Variants in CASP2 observed in about 807,000 individuals in gnomAD.
CASP2 encodes caspase 2.
A neutral mutation model predicts 54.4 loss-of-function variants in CASP2; 38 were observed. The observed-to-expected ratio is 0.70, with a 90% CI of 0.54 to 0.92. The LOEUF (loss-of-function observed/expected upper bound fraction) is 0.92. CASP2 is among the 40% of genes least tolerant of loss of function. The pLI is 0.00. For synonymous variants in CASP2, 215 were observed against 216.3 expected, an observed-to-expected ratio of 0.99 and a Z score of 0.05; for missense variants, 512 against 579.6, an observed-to-expected ratio of 0.88 and a Z score of 1.20.
intron 4 of CASP2, among the ~76,000 whole-genome samples, chr7:143,293,803 T>C (rs547963307): frequency 2.6e-5 from 4 of 152,326 alleles, no homozygotes; most frequent in South Asian, 2.1e-4. Context: ...CAAGGTGTTA[T>C]TAATAGTTGG....
At chr7:143,304,608 G>T in intron 9 of CASP2, 66 bp from the exon 10 acceptor site, 1 of 1,177,372 alleles carries the variant, frequency 8.5e-7, no homozygotes, top group Non-Finnish European at 1.3e-6. Flanking sequence ...TCATGGCCGA[G>T]TCTAGTTTGG....
At position 143,307,215 on chromosome 7, in the gene CASP2, A is replaced by G. The variant is rs576459894; in HGVS notation, c.*2144A>G. On this transcript the variant is annotated 3_prime_UTR_variant, in exon 11 of 11. Transcript: ENST00000310447. ...CTTGTTCATTTCTGTCTCCCCTACC[A>G]GGCTGTAAATGAGGGCAGAAACCTT... 6 of 152,290 alleles carry G rather than the reference A, an allele frequency of 3.9e-5. No individual in the cohort carries two copies. In the East Asian group the frequency reaches 7.7e-4, roughly 20 times the overall value. The allele number at this position is 152,290 out of a possible 1,614,324, so 9.4% of individuals were successfully genotyped here.
At chr7:143,296,781 A>T (rs1005836407) in intron 6 of CASP2, among the ~76,000 whole-genome samples, 15 of 147,904 alleles carry the variant, frequency 1.0e-4, no homozygotes, top group African/African-American at 4.0e-4. Flanking sequence ...AATCTTTCTT[A>T]CTTAAGAGAG....
At chr7:143,300,778 C>G in intron 8 of CASP2, 1 of 1,185,174 alleles carries the variant, frequency 8.4e-7, no homozygotes, top group Non-Finnish European at 1.1e-6. Context: ...TCTTACCATT[C>G]TTGGGTCATG....
intron 1 of CASP2, chr7:143,289,755 T>C (rs1421607191): frequency 2.6e-5 from 7 of 273,628 alleles, no homozygotes; most frequent in Admixed American, 6.5e-5. Flanking sequence ...TTTGTATAGC[T>C]CTTTTTCTTG....
intron 4 of CASP2, 66 bp from the exon 5 acceptor site, chr7:143,294,164 C>A: frequency 4.4e-6 from 4 of 900,222 alleles, no homozygotes; most frequent in South Asian, 2.6e-5. Flanking sequence ...TCTGAAGTTA[C>A]AATGACATAT....
Position 143,304,301 on chromosome 7 carries a change from A to G in CASP2, c.1117+368A>G, listed in dbSNP as rs1394555408. ...GAGCATCTGTCAGCACCATTTTTCT[A>G]TTGGCATGCCTCTGTTAGCATTTTT... On this transcript the variant is annotated intron_variant, in intron 9 of 10. Transcript: ENST00000310447. Among the ~76,000 whole-genome samples, 5 of 152,096 alleles carry G rather than the reference A, an allele frequency of 3.3e-5. No individual in the cohort carries two copies. In the East Asian group the frequency reaches 9.6e-4, roughly 29 times the overall value.
chr7:143,289,639 A>T, intron 1 of CASP2: 1 of 982,322 alleles, frequency 1.0e-6, no homozygotes, highest in Non-Finnish European at 1.2e-6. Flanking sequence ...CTAATGGAAG[A>T]AATCTGCTGC....
At chr7:143,304,848 A>G in intron 10 of CASP2, 65 bp downstream of exon 10, 1 of 1,607,184 alleles carries the variant, frequency 6.2e-7, no homozygotes, top group Non-Finnish European at 8.5e-7. Context: ...CCTCTCTTGA[A>G]TGCTCTTTCA....
At position 143,305,520 on chromosome 7, in the gene CASP2, G is replaced by A. The variant is rs934108422; in HGVS notation, c.*449G>A. On this transcript the variant is annotated 3_prime_UTR_variant, in exon 11 of 11. Coordinates refer to ENST00000310447, the MANE Select transcript of CASP2 (RefSeq NM_032982.4). ...TATCCTCCGCCCTTTTTGTCCTAGAGTGAGAGTTTGGAAGGTGTCCAAATT... is the reference window on the plus strand; with the variant it reads ...TATCCTCCGCCCTTTTTGTCCTAGAATGAGAGTTTGGAAGGTGTCCAAATT... 11 of 293,632 alleles carry A rather than the reference G, an allele frequency of 3.7e-5. No homozygotes were observed. The highest frequency in any genetic ancestry group is 2.2e-4 in the African/African-American group (10 of 46,012). 18.2% of individuals were successfully genotyped at this position (293,632 alleles called of 1,614,324 possible).
In CASP2 at chr7:143,305,244, C is replaced by T. The variant is rs1802033424; in HGVS notation, c.*173C>T. On this transcript the variant is annotated 3_prime_UTR_variant, in exon 11 of 11. Transcript: ENST00000310447. Reference sequence around the variant, plus strand: ...CTGCCTTTGAGTGTGGGACTCCAGGCCAGCTCCTTTTCTGTGAAGCCCTTT... The same window carrying T: ...CTGCCTTTGAGTGTGGGACTCCAGGTCAGCTCCTTTTCTGTGAAGCCCTTT... 1 of 812,914 alleles carries T rather than the reference C, an allele frequency of 1.2e-6. No homozygotes were observed. The highest frequency in any genetic ancestry group is 2.0e-6 in the Non-Finnish European group (1 of 493,864). The allele number at this position is 812,914 out of a possible 1,614,324, so 50.4% of individuals were successfully genotyped here. A position where few individuals can be genotyped will look rare whatever the true frequency, so the allele number is the denominator to read the frequency against.
intron 2 of CASP2, among the ~76,000 whole-genome samples, chr7:143,291,946 T>C (rs775817080): frequency 8.8e-4 from 134 of 151,948 alleles, no homozygotes; most frequent in Non-Finnish European, 1.8e-3. Context: ...GCCTGGCTAA[T>C]TTTTTGGATT....
intron 6 of CASP2, among the ~76,000 whole-genome samples, chr7:143,299,149 C>A (rs1000020690): frequency 6.6e-6 from 1 of 151,920 alleles, no homozygotes; most frequent in African/African-American, 2.4e-5. Context: ...AAGATGGAGT[C>A]TTGCTAGGTT....
At chr7:143,300,117 T>C in intron 7 of CASP2, 66 bp downstream of exon 7, 1 of 1,613,040 alleles carries the variant, frequency 6.2e-7, no homozygotes, top group Non-Finnish European at 8.5e-7. Context: ...CTGCTGTCTG[T>C]CAAGTGATGG....
intron 6 of CASP2, chr7:143,298,813 A>T (rs2116790645): frequency 6.9e-6 from 1 of 145,448 alleles, no homozygotes; most frequent in African/African-American, 2.5e-5. Flanking sequence ...GATCCTGTCT[A>T]AAAAAAAAAA....
chr7:143,295,235 C>A (rs1345482723), intron 6 of CASP2, among the ~76,000 whole-genome samples: 1 of 152,150 alleles, frequency 6.6e-6, no homozygotes, highest in Non-Finnish European at 1.5e-5. Flanking sequence ...GCCATGTTGG[C>A]CAGGCTGGTC....
chr7:143,304,864 C>A, intron 10 of CASP2, 76 bp from the exon 11 acceptor site: 1 of 1,608,086 alleles, frequency 6.2e-7, no homozygotes, highest in Non-Finnish European at 8.5e-7. Context: ...TTTCATAGTC[C>A]GTCTCCCCTT....
chr7:143,301,959 A>G, intron 8 of CASP2: 1 of 152,236 alleles, frequency 6.6e-6, no homozygotes, highest in Admixed American at 6.5e-5. Flanking sequence ...GGCTGCACTA[A>G]GGAAAGAGGT....
chr7:143,300,916 A>G (rs1801898853), intron 8 of CASP2: 1 of 1,036,854 alleles, frequency 9.6e-7, no homozygotes, highest in Middle Eastern at 4.9e-4. Context: ...CGAGGATTAA[A>G]AGACACATAG....
Sources: allele counts gnomAD v4.1 joint callset (sites outside exome capture counted in the v4.1 genomes callset), GRCh38; gene constraint gnomAD v4.1.1; transcripts MANE v1.5; gene names NCBI Gene and HGNC (gene_info 2026-07-23, HGNC 2026-07-21).